BCAS3: variants seen among roughly 807,000 people sequenced by gnomAD.
BCAS3 encodes the protein BCAS4/BCAS3 fusion.
A neutral mutation model predicts 116.1 loss-of-function variants in BCAS3; 53 were observed. That is an observed-to-expected ratio of 0.46 (90% CI 0.37 to 0.57). The LOEUF is 0.57. Ranked by LOEUF, BCAS3 falls within the 20% of genes least tolerant of loss-of-function variation. The pLI is 0.00. For synonymous variants in BCAS3, 391 were observed against 408.2 expected, an observed-to-expected ratio of 0.96 and a Z score of 0.51; for missense variants, 917 against 1,165.4, an observed-to-expected ratio of 0.79 and a Z score of 3.10.
At chr17:60,911,678 G>T (rs1599631818) in intron 12 of BCAS3, among the ~76,000 whole-genome samples, 1 of 152,148 alleles carries the variant, frequency 6.6e-6, no homozygotes, top group East Asian at 1.9e-4. Flanking sequence ...CAGGTGATAT[G>T]CCCGTCTCGG....
intron 6 of BCAS3, among the ~76,000 whole-genome samples, chr17:60,753,079 A>G (rs1322246929): frequency 6.6e-6 from 1 of 152,132 alleles, no homozygotes; most frequent in Non-Finnish European, 1.5e-5. Context: ...CCTGGCCTCA[A>G]ACAATTCTCC....
Position 61,243,978 on chromosome 17 carries a change from A to G in BCAS3, c.2426-124349A>G, listed in dbSNP as rs373333897. ...TTTTTTAAGTTTTTTTTTTCAAGAG[A>G]CAGAGTCTTGCTATGTTGCCCCAGC... On this transcript the variant is annotated intron_variant, in intron 22 of 23. Transcript: ENST00000407086. This position sits in a 1 kb window ranked among gnomAD's most constrained non-coding sequence, Gnocchi z 5.6. Among the ~76,000 whole-genome samples, 21 of 151,966 alleles carry G rather than the reference A, an allele frequency of 1.4e-4. No homozygotes were observed. Among genetic ancestry groups the G allele is most frequent in the African/African-American group, 5.1e-4 (21 of 41,456 alleles).
intron 22 of BCAS3, among the ~76,000 whole-genome samples, chr17:61,089,026 G>A (rs143493884): frequency 2.0e-5 from 3 of 152,162 alleles, no homozygotes; most frequent in Non-Finnish European, 4.4e-5. Context: ...TAAGGTATTA[G>A]TGTTACATCA....
chr17:61,290,158 A>G (rs1356266622), intron 22 of BCAS3, among the ~76,000 whole-genome samples: 1 of 152,222 alleles, frequency 6.6e-6, no homozygotes. Context: ...GGCCGAAACT[A>G]AGCTTATCTC....
chr17:61,322,990 C>CT (rs201969718), intron 22 of BCAS3, among the ~76,000 whole-genome samples: 1,867 of 150,556 alleles, frequency 0.012, 24 homozygotes, highest in East Asian at 0.034. Context: ...AGGCGCCTTC[C>CT]TTTTTTTTTA....
At chr17:60,688,963 A>G (rs2034455286) in intron 3 of BCAS3, 1 of 152,220 alleles carries the variant, frequency 6.6e-6, no homozygotes, top group South Asian at 2.1e-4. Flanking sequence ...GGTTGGGTCT[A>G]GAAGCTTGAT....
At chr17:61,257,160 G>A (rs1044747908) in intron 22 of BCAS3, among the ~76,000 whole-genome samples, 12 of 151,956 alleles carry the variant, frequency 7.9e-5, no homozygotes, top group Admixed American at 2.0e-4. Flanking sequence ...GGTGGCTCAC[G>A]CCTGTAACCC....
At chr17:61,250,118 C>T (rs2048261806) in intron 22 of BCAS3, among the ~76,000 whole-genome samples, 1 of 152,202 alleles carries the variant, frequency 6.6e-6, no homozygotes, top group Admixed American at 6.5e-5. Flanking sequence ...AAGGAAAGTT[C>T]ATACCCTGGG....
chr17:60,825,705 A>C (rs2050350399), intron 7 of BCAS3, among the ~76,000 whole-genome samples: 1 of 151,626 alleles, frequency 6.6e-6, no homozygotes, highest in Non-Finnish European at 1.5e-5. Flanking sequence ...CCATGTCCTC[A>C]CATGGTGGAA....
intron 22 of BCAS3, among the ~76,000 whole-genome samples, chr17:61,143,993 A>G (rs772514601): frequency 2.0e-5 from 3 of 152,220 alleles, no homozygotes; most frequent in Non-Finnish European, 2.9e-5. Context: ...TTTTTCTGAA[A>G]TACTAAATTC....
intron 13 of BCAS3, among the ~76,000 whole-genome samples, chr17:60,932,803 A>G (rs1481712840): frequency 6.6e-6 from 1 of 151,742 alleles, no homozygotes; most frequent in Non-Finnish European, 1.5e-5. Context: ...GGAGTGATAC[A>G]TGATGGCAAA....
At chr17:60,858,482 T>C (rs1467874730) in intron 7 of BCAS3, among the ~76,000 whole-genome samples, 2 of 152,122 alleles carry the variant, frequency 1.3e-5, no homozygotes, top group African/African-American at 4.8e-5. Flanking sequence ...TGAGATTCAC[T>C]TTTGTTGTTT....
chr17:61,058,477 TCGG>T (rs1433886962), intron 19 of BCAS3, among the ~76,000 whole-genome samples: 1 of 152,242 alleles, frequency 6.6e-6, no homozygotes, highest in Non-Finnish European at 1.5e-5. Flanking sequence ...TCTTGGTCAC[TCGG>T]CTGATTTCTG....
Position 61,021,173 on chromosome 17 carries a change from A to G in BCAS3, c.1637+5272A>G, listed in dbSNP as rs1417233354. ...TGGGCTCAGGTGATTCTCTTGCCTC[A>G]GCCTCCCGAGTAGCTGGGACTACAA... On this transcript the variant is annotated intron_variant, in intron 16 of 23. Coordinates refer to ENST00000407086, the MANE Select transcript of BCAS3 (RefSeq NM_017679.5). The surrounding 1 kb of genome is among the most constrained non-coding windows in gnomAD (Gnocchi z 4.6). Among the ~76,000 whole-genome samples the G allele has an allele frequency of 1.3e-5, 2 of 152,082 alleles. No homozygotes were observed. The highest frequency in any genetic ancestry group is 4.8e-5 in the African/African-American group (2 of 41,384).
chr17:60,932,878 A>G (rs1049710543), intron 13 of BCAS3, among the ~76,000 whole-genome samples: 4 of 152,058 alleles, frequency 2.6e-5, no homozygotes, highest in African/African-American at 9.7e-5. Context: ...ATAGTAATTT[A>G]AAATACCCCA....
chr17:61,297,480 C>G (rs1281743739), intron 22 of BCAS3, among the ~76,000 whole-genome samples: 1 of 152,078 alleles, frequency 6.6e-6, no homozygotes, highest in Admixed American at 6.6e-5. Context: ...CTCTCAGCAT[C>G]CAAGAGAAGT....
At chr17:61,268,668 A>T (rs2049969412) in intron 22 of BCAS3, among the ~76,000 whole-genome samples, 1 of 151,522 alleles carries the variant, frequency 6.6e-6, no homozygotes, top group Non-Finnish European at 1.5e-5. Flanking sequence ...TGCAATTCTC[A>T]TGCCTCAGCC....
rs2081286021 is a variant in BCAS3, at chr17:61,208,710, A to C, written c.2425+124146A>C. ...TCAGACACATTTTGTTCCCAAACAGAATTAGAAGGAAAAGGTCTGCTTAGC... is the reference window on the plus strand; with the variant it reads ...TCAGACACATTTTGTTCCCAAACAGCATTAGAAGGAAAAGGTCTGCTTAGC... On this transcript the variant is annotated intron_variant, in intron 22 of 23. Transcript: ENST00000407086. This position sits in a 1 kb window ranked among gnomAD's most constrained non-coding sequence, Gnocchi z 4.5. 6.6e-6 allele frequency among the ~76,000 whole-genome samples: 1 copy of C among 152,130 alleles called. No individual in the cohort carries two copies.
intron 23 of BCAS3, among the ~76,000 whole-genome samples, chr17:61,373,593 G>A (rs996596267): frequency 6.7e-5 from 10 of 149,158 alleles, no homozygotes; most frequent in Non-Finnish European, 1.3e-4. Flanking sequence ...GACTATAGGC[G>A]TGTGCCAACA....
Sources: gnomAD v4.1 joint callset for allele counts (sites outside exome capture counted in the v4.1 genomes callset) on GRCh38, gnomAD v4.1.1 for gene constraint, Gnocchi (gnomAD v3.1) non-coding constraint, MANE v1.5 for transcripts, NCBI Gene and HGNC (gene_info 2026-07-23, HGNC 2026-07-21) for gene names.